Variants in WDPCP observed in about 807,000 individuals in gnomAD.
WDPCP encodes WD repeat containing planar cell polarity effector.
A neutral mutation model predicts 93.1 loss-of-function variants in WDPCP; 71 were observed. The ratio of observed to expected loss-of-function variants is 0.76; its 90% CI spans 0.63 to 0.93. WDPCP has a LOEUF of 0.93. WDPCP is among the 40% of genes least tolerant of loss of function. WDPCP has a pLI of 0.00. For synonymous variants in WDPCP, 315 were observed against 315.0 expected, an observed-to-expected ratio of 1.00 and a Z score of 0.00; for missense variants, 844 against 887.4, an observed-to-expected ratio of 0.95 and a Z score of 0.62.
chr2:63,492,802 T>TA, intron 2 of WDPCP, 54 bp downstream of exon 2: 1 of 1,514,902 alleles, frequency 6.6e-7, no homozygotes. Context: ...AGTACTTATT[T>TA]ATAATGGTGT....
At chr2:63,322,090 A>G (rs1687147194) in intron 12 of WDPCP, among the ~76,000 whole-genome samples, 1 of 152,180 alleles carries the variant, frequency 6.6e-6, no homozygotes, top group Non-Finnish European at 1.5e-5. Flanking sequence ...AAATGCACCA[A>G]TCAGCACTCT....
chr2:63,703,592 T>C lies in WDPCP; in HGVS notation n.309-52754A>G, dbSNP rs563791780. ...TTTTGTTTTGTTTTGTTTTGTTTTG[T>C]TTTGTTTTTGAGACAGAGTCTCACT... On this transcript the variant is annotated intron_variant and non_coding_transcript_variant, in intron 2 of 4. Coordinates refer to the WDPCP transcript ENST00000467687. Among the ~76,000 whole-genome samples the C allele has an allele frequency of 4.6e-5, 7 of 151,800 alleles. No homozygotes were observed. The South Asian group carries it at 1.5e-3, about 32-fold the overall frequency.
chr2:63,642,889 T>C (rs1191163460), intron 3 of WDPCP: 2 of 152,244 alleles, frequency 1.3e-5, no homozygotes, highest in Non-Finnish European at 2.9e-5. Context: ...GGCATCCTTG[T>C]TGTGTTGCAG....
intron 2 of WDPCP, among the ~76,000 whole-genome samples, chr2:63,736,316 T>C (rs1161394747): frequency 1.3e-5 from 2 of 151,928 alleles, no homozygotes; most frequent in East Asian, 1.9e-4. Context: ...CATCAGAAAA[T>C]TGGAAACCTG....
chr2:63,422,018 A>G (rs899013140), intron 9 of WDPCP, among the ~76,000 whole-genome samples: 3 of 152,240 alleles, frequency 2.0e-5, no homozygotes, highest in Non-Finnish European at 2.9e-5. Context: ...ACGAATATGT[A>G]TATGTATAAA....
intron 2 of WDPCP, among the ~76,000 whole-genome samples, chr2:63,737,174 C>G (rs749741142): frequency 1.3e-5 from 2 of 152,188 alleles, no homozygotes; most frequent in South Asian, 4.1e-4. Flanking sequence ...AAGCCATGTC[C>G]CACTGCCCAC....
intron 1 of WDPCP, among the ~76,000 whole-genome samples, chr2:63,549,268 A>G (rs12992158): frequency 7.1e-6 from 1 of 139,944 alleles, no homozygotes; most frequent in African/African-American, 2.7e-5. Context: ...AAAAAAAAAA[A>G]GAAAATAGCA....
At chr2:63,338,570 ATATATATATATATATATATAT>A (rs1688615821) in intron 12 of WDPCP, among the ~76,000 whole-genome samples, 2 of 5,318 alleles carry the variant, frequency 3.8e-4, no homozygotes, top group Non-Finnish European at 4.8e-4. Context: ...AAAAAAAAAA[ATATATATATATATATATATAT>A]ATATATATAT....
chr2:63,264,615 T>C (rs182166214), intron 13 of WDPCP, among the ~76,000 whole-genome samples: 3 of 151,922 alleles, frequency 2.0e-5, no homozygotes, highest in East Asian at 1.9e-4. Context: ...GGGAGAGAGA[T>C]TGCAATACAA....
At chr2:63,314,536 T>C (rs1409204699) in intron 12 of WDPCP, among the ~76,000 whole-genome samples, 1 of 152,118 alleles carries the variant, frequency 6.6e-6, no homozygotes, top group African/African-American at 2.4e-5. Context: ...TCTAATTCTA[T>C]AAATTGCCCT....
chr2:63,720,228 G>A lies in WDPCP; in HGVS notation n.309-69390C>T, dbSNP rs1322410060. Reference sequence around the variant, plus strand: ...GCTCAGAAGTTCGAGACCAGCCTGGGTACATGGCGAAACCCCATCTCTATA... The same window carrying A: ...GCTCAGAAGTTCGAGACCAGCCTGGATACATGGCGAAACCCCATCTCTATA... On this transcript the variant is annotated intron_variant and non_coding_transcript_variant, in intron 2 of 4. Coordinates refer to the WDPCP transcript ENST00000467687. Among the ~76,000 whole-genome samples, 6 of 151,890 alleles carry A rather than the reference G, an allele frequency of 4.0e-5. 1 individual carries two copies. In the South Asian group the frequency reaches 1.0e-3, roughly 26 times the overall value.
At chr2:63,436,945 T>C (rs576526495) in intron 8 of WDPCP, among the ~76,000 whole-genome samples, 1 of 152,198 alleles carries the variant, frequency 6.6e-6, no homozygotes, top group Admixed American at 6.6e-5. Context: ...TGTCCAGTTA[T>C]AGCTGGAGGG....
rs1391434060 is a variant in WDPCP, at chr2:63,135,689, T to C, written c.2191-13633A>G. Among the ~76,000 whole-genome samples the C allele has an allele frequency of 5.9e-5, 9 of 152,220 alleles. No homozygotes were observed. The South Asian group carries it at 1.2e-3, about 21-fold the overall frequency. Reference sequence around the variant, plus strand: ...AATTATGGCAACATAATCCTCTCTTTATGTTTTTCCACAAAAGAGAATATG... The same window carrying C: ...AATTATGGCAACATAATCCTCTCTTCATGTTTTTCCACAAAAGAGAATATG... On this transcript the variant is annotated intron_variant, in intron 17 of 17. Transcript: ENST00000272321.
At position 63,120,881 on chromosome 2, in the gene WDPCP, G is replaced by T. The variant is rs1291542552; in HGVS notation, c.*1125C>A. Reference sequence around the variant, plus strand: ...ATATCAGTTATCTGCTAAAGAATGGGTGTCAATAACTGTGAAGGGTATGAG... The same window carrying T: ...ATATCAGTTATCTGCTAAAGAATGGTTGTCAATAACTGTGAAGGGTATGAG... On this transcript the variant is annotated 3_prime_UTR_variant, in exon 18 of 18. Transcript: ENST00000272321. 6.6e-6 allele frequency among the ~76,000 whole-genome samples: 1 copy of T among 152,054 alleles called. No homozygotes were observed. Among genetic ancestry groups the T allele is most frequent in the African/African-American group, 2.4e-5 (1 of 41,396 alleles).
Position 63,127,412 on chromosome 2 carries a change from C to T in WDPCP, c.2191-5356G>A, listed in dbSNP as rs369247953. Among the ~76,000 whole-genome samples the T allele has an allele frequency of 1.6e-4, 24 of 151,802 alleles. No individual in the cohort carries two copies. In the South Asian group the frequency reaches 3.7e-3, roughly 24 times the overall value. ...TGCTGGGATTACAAGCGTGAGCCAC[C>T]GCACCCGGCCTGAAAATATTTTTTA... On this transcript the variant is annotated intron_variant, in intron 17 of 17. Coordinates refer to ENST00000272321, the MANE Select transcript of WDPCP (RefSeq NM_015910.7).
At chr2:63,225,727 A>C (rs1678238577) in intron 14 of WDPCP, among the ~76,000 whole-genome samples, 1 of 151,892 alleles carries the variant, frequency 6.6e-6, no homozygotes, top group African/African-American at 2.4e-5. Flanking sequence ...TGTTTTCCTC[A>C]TCTACCTCTG....
chr2:63,663,254 A>G (rs1710247734), intron 2 of WDPCP, among the ~76,000 whole-genome samples: 1 of 152,242 alleles, frequency 6.6e-6, no homozygotes, highest in African/African-American at 2.4e-5. Context: ...GGCAGCTACA[A>G]TGCAGGACGA....
intron 14 of WDPCP, among the ~76,000 whole-genome samples, chr2:63,224,000 C>T (rs1344923497): frequency 1.3e-5 from 2 of 151,984 alleles, no homozygotes; most frequent in African/African-American, 4.8e-5. Flanking sequence ...TTCAGAATTG[C>T]CTTAACTATT....
intron 2 of WDPCP, among the ~76,000 whole-genome samples, chr2:63,659,291 G>A (rs1030133540): frequency 3.3e-5 from 5 of 152,150 alleles, no homozygotes; most frequent in African/African-American, 7.2e-5. Flanking sequence ...ACTAGATATC[G>A]TGAGCTGCAC....
Sources: gnomAD v4.1 joint callset for allele counts (sites outside exome capture counted in the v4.1 genomes callset) on GRCh38, gnomAD v4.1.1 for gene constraint, MANE v1.5 for transcripts, NCBI Gene and HGNC (gene_info 2026-07-23, HGNC 2026-07-21) for gene names.